Variants in ZMYND8 observed in about 807,000 individuals in gnomAD.
The protein encoded by ZMYND8 is MYND-type zinc finger-containing chromatin reader ZMYND8.
In ZMYND8, 37 loss-of-function variants were observed where a neutral mutation model predicts 140.8. The ratio of observed to expected loss-of-function variants is 0.26; its 90% CI spans 0.20 to 0.35. The LOEUF (loss-of-function observed/expected upper bound fraction) is 0.35, where lower values mean the gene tolerates loss of function less well. ZMYND8 is among the 10% of genes least tolerant of loss of function. ZMYND8 has a pLI of 1.00. For missense variants in ZMYND8, 1,068 were observed against 1,570.0 expected, an observed-to-expected ratio of 0.68 and a Z score of 5.40; for synonymous variants, 592 against 597.1, an observed-to-expected ratio of 0.99 and a Z score of 0.12.
intron 21 of ZMYND8, 124 bp downstream of exon 21, chr20:47,220,134 C>G (rs902008267): frequency 1.3e-5 from 12 of 892,768 alleles, no homozygotes; most frequent in Non-Finnish European, 1.7e-5. Context: ...CCAGGCACCC[C>G]TAAGGATCCA....
At chr20:47,291,719 A>G in intron 6 of ZMYND8, 77 bp downstream of exon 6, 2 of 1,116,772 alleles carry the variant, frequency 1.8e-6, no homozygotes, top group Non-Finnish European at 2.5e-6. Flanking sequence ...CTTGTGATAG[A>G]GCATAGGCAG....
At chr20:47,327,693 C>G (rs1212894074) in intron 2 of ZMYND8, among the ~76,000 whole-genome samples, 1 of 152,120 alleles carries the variant, frequency 6.6e-6, no homozygotes, top group Admixed American at 6.6e-5. Flanking sequence ...CCACATAGGG[C>G]CCCCTATTCC....
intron 1 of ZMYND8, chr20:47,355,631 GA>G (rs1448459652): frequency 5.3e-6 from 2 of 374,174 alleles, no homozygotes; most frequent in Non-Finnish European, 7.4e-6. Context: ...ATGAGCCACA[GA>G]CATGATTTTA....
intron 11 of ZMYND8, among the ~76,000 whole-genome samples, chr20:47,264,039 G>A (rs781412133): frequency 1.3e-5 from 2 of 152,104 alleles, no homozygotes; most frequent in African/African-American, 4.8e-5. Context: ...AGACCAAAAC[G>A]CTGCTAAATC....
intron 1 of ZMYND8, chr20:47,356,361 A>G: frequency 6.7e-7 from 1 of 1,487,066 alleles, no homozygotes; most frequent in Non-Finnish European, 8.9e-7. Context: ...GAAAAAAAAA[A>G]GCTTCTTTTT....
At chr20:47,293,226 G>C (rs2077416908) in intron 5 of ZMYND8, among the ~76,000 whole-genome samples, 1 of 124,186 alleles carries the variant, frequency 8.1e-6, no homozygotes, top group African/African-American at 3.3e-5. Context: ...CAGGGAGGGA[G>C]GGAGGGAGGG....
chr20:47,263,926 A>G (rs1017994386), intron 11 of ZMYND8, among the ~76,000 whole-genome samples: 3 of 152,092 alleles, frequency 2.0e-5, no homozygotes, highest in Non-Finnish European at 2.9e-5. Context: ...CCTCTGAACC[A>G]CTGATTCTCA....
chr20:47,262,644 A>T (rs1053755862), intron 11 of ZMYND8, among the ~76,000 whole-genome samples: 4 of 152,202 alleles, frequency 2.6e-5, no homozygotes, highest in Non-Finnish European at 4.4e-5. Context: ...AAAGCCACAA[A>T]TGAAGAAGGT....
chr20:47,306,699 T>C (rs1419378082), intron 3 of ZMYND8, among the ~76,000 whole-genome samples: 1 of 151,822 alleles, frequency 6.6e-6, no homozygotes, highest in East Asian at 1.9e-4. Flanking sequence ...ACCTCCCAAG[T>C]AGCTGGGATT....
intron 2 of ZMYND8, among the ~76,000 whole-genome samples, chr20:47,310,411 T>C (rs1287458867): frequency 6.6e-6 from 1 of 152,206 alleles, no homozygotes; most frequent in African/African-American, 2.4e-5. Flanking sequence ...CTTTGACCTA[T>C]GTAACATTTT....
At chr20:47,249,250 A>G in intron 13 of ZMYND8, 37 bp downstream of exon 13, 6 of 1,603,324 alleles carry the variant, frequency 3.7e-6, no homozygotes, top group African/African-American at 2.7e-5. Context: ...GATAACAATG[A>G]TACTGCTGGA....
At chr20:47,278,340 G>A (rs1453454683) in intron 10 of ZMYND8, among the ~76,000 whole-genome samples, 2 of 152,186 alleles carry the variant, frequency 1.3e-5, no homozygotes, top group African/African-American at 4.8e-5. Context: ...AGAAAGCAGT[G>A]GGGAGCAAAG....
Position 47,312,791 on chromosome 20 carries a change from A to G in ZMYND8, c.86-2587T>C, listed in dbSNP as rs1298789485. On this transcript the variant is annotated intron_variant, in intron 2 of 22. Coordinates refer to ENST00000471951, the MANE Select transcript of ZMYND8 (RefSeq NM_001281775.3). ...GGCGACAGAGCGAGACTCCGTCTCA[A>G]AAAAAAAAAAAAAAAAGAGAGAGAG... is the stretch of plus-strand genomic sequence containing the variant. Among the ~76,000 whole-genome samples, 5 of 146,118 alleles carry G rather than the reference A, an allele frequency of 3.4e-5. No homozygotes were observed. The South Asian group carries it at 9.7e-4, about 28-fold the overall frequency.
intron 19 of ZMYND8, 121 bp downstream of exon 19, chr20:47,224,194 GAA>G: frequency 6.8e-7 from 1 of 1,474,046 alleles, no homozygotes; most frequent in South Asian, 1.3e-5. Flanking sequence ...GTTTTTGAGT[GAA>G]AGTGTCCAGA....
In ZMYND8 at chr20:47,348,287, G is replaced by A. The variant is rs2082494807; in HGVS notation, c.15-361C>T. 9.2e-5 allele frequency: 27 copies of A among 294,502 alleles called. 1 individual carries two copies. The highest frequency in any genetic ancestry group is 8.9e-4 in the South Asian group (27 of 30,458). The allele number at this position is 294,502 out of a possible 1,614,324, so 18.2% of individuals were successfully genotyped here. On this transcript the variant is annotated intron_variant, in intron 1 of 22. Transcript: ENST00000471951. The stretch of plus-strand genomic sequence containing the variant: ...TTGTTAACACAGGGTTCAAAGGCAG[G>A]GAGGTTGGAGGTGTTTTGCAGGGTA...
intron 2 of ZMYND8, among the ~76,000 whole-genome samples, chr20:47,333,054 G>A (rs1337144443): frequency 1.3e-5 from 2 of 152,128 alleles, no homozygotes; most frequent in Non-Finnish European, 2.9e-5. Flanking sequence ...AGTACCAGAA[G>A]TCAAAAATGA....
At chr20:47,320,098 G>A (rs111865652) in intron 2 of ZMYND8, 9 of 152,298 alleles carry the variant, frequency 5.9e-5, no homozygotes, top group African/African-American at 1.7e-4. Context: ...AACTGCAATG[G>A]GGAATCGCGG....
intron 2 of ZMYND8, among the ~76,000 whole-genome samples, chr20:47,346,886 T>C (rs1291579602): frequency 2.0e-5 from 3 of 152,262 alleles, no homozygotes; most frequent in Non-Finnish European, 4.4e-5. Flanking sequence ...ATTACAGGCA[T>C]GAGCCACCAC....
At chr20:47,346,507 G>A (rs1430160015) in intron 2 of ZMYND8, among the ~76,000 whole-genome samples, 2 of 152,086 alleles carry the variant, frequency 1.3e-5, no homozygotes, top group African/African-American at 2.4e-5. Flanking sequence ...CACCCAGGGT[G>A]CCTCCCCTTC....
Sources: gnomAD v4.1 joint callset for allele counts (sites outside exome capture counted in the v4.1 genomes callset) on GRCh38, gnomAD v4.1.1 for gene constraint, MANE v1.5 for transcripts, NCBI Gene and HGNC (gene_info 2026-07-23, HGNC 2026-07-21) for gene names.